XIRP1: variants seen among roughly 807,000 people sequenced by gnomAD.
XIRP1 encodes the protein xin actin binding repeat containing 1.
For synonymous variants in XIRP1, 984 were observed against 947.0 expected, an observed-to-expected ratio of 1.04 and a Z score of -0.72; for missense variants, 2,378 against 2,345.4, an observed-to-expected ratio of 1.01 and a Z score of -0.29.
Position 39,188,746 on chromosome 3 carries a change from G to A in XIRP1, c.700C>T (p.Leu234Phe), listed in dbSNP as rs549255055. Residue 234 changes from leucine to phenylalanine, a missense_variant, in exon 2 of 2, where the codon CTC becomes TTC. Leu to Phe is a conservative substitution (Grantham distance 22, BLOSUM62 0). Coordinates refer to ENST00000340369, the MANE Select transcript of XIRP1 (RefSeq NM_194293.4). Reference protein sequence around the residue: ...LKGDVKKTVKLFQTEPLCAIQ... With the variant: ...LKGDVKKTVKFFQTEPLCAIQ... ...GCACACAGGGGCTCCGTTTGGAAGA[G>A]CTTCACTGTCTTTTTCACATCACCC... 14 of 1,613,774 alleles carry A rather than the reference G, an allele frequency of 8.7e-6. No individual in the cohort carries two copies. The African/African-American group carries it at 1.9e-4, about 21-fold the overall frequency.
Position 39,189,385 on chromosome 3 carries a change from C to T in XIRP1, c.61G>A (p.Asp21Asn). 1.2e-6 allele frequency: 2 copies of T among 1,610,512 alleles called. No homozygotes were observed. The highest frequency in any genetic ancestry group is 1.7e-6 in the Non-Finnish European group (2 of 1,178,778). ...TPTMRMATAE[D>N]LPLPPPPALE... is the part of the protein sequence containing the mutation. ...GCTGGGGGTGGAGGGAGGGGCAGGT[C>T]CTCTGCAGTTGCCATCCTCATGGTT... is the stretch of plus-strand genomic sequence containing the variant. Residue 21 changes from aspartate to asparagine, a missense_variant, in exon 2 of 2, where the codon GAC becomes AAC. Asp to Asn is a conservative substitution (Grantham distance 23). Coordinates refer to ENST00000340369, the MANE Select transcript of XIRP1 (RefSeq NM_194293.4).
Position 39,183,583 on chromosome 3 carries a change from T to C in XIRP1, c.*331A>G. ...GGGGGCTCCAATTCAGGCAGTGGTGTGCAAATTCACACATGTCGATGCGTG... is the reference window on the plus strand; with the variant it reads ...GGGGGCTCCAATTCAGGCAGTGGTGCGCAAATTCACACATGTCGATGCGTG... On this transcript the variant is annotated 3_prime_UTR_variant, in exon 2 of 2. Coordinates refer to ENST00000340369, the MANE Select transcript of XIRP1 (RefSeq NM_194293.4). The C allele has an allele frequency of 3.4e-6, 1 of 292,748 alleles. No homozygotes were observed. The highest frequency in any genetic ancestry group is 6.4e-6 in the Non-Finnish European group (1 of 157,078). The allele number at this position is 292,748 out of a possible 1,614,324, so 18.1% of individuals were successfully genotyped here.
In XIRP1 at chr3:39,188,840, G is replaced by T. The variant is rs370999835; in HGVS notation, c.606C>A (p.Arg202=). The change falls in exon 2 of 2, where the codon CGC becomes CGA. Residue 202 remains arginine, a synonymous_variant. Coordinates refer to ENST00000340369, the MANE Select transcript of XIRP1 (RefSeq NM_194293.4). The stretch of plus-strand genomic sequence containing the variant: ...CCTGCAGGGAGGGGCGGGAGCCCAG[G>T]CGGTCCAGCGGCCGCGTCTCAAAGA... ...RMLFETRPLD[R]LGSRPSLQEQ... The T allele has an allele frequency of 2.4e-5, 39 of 1,612,552 alleles. No homozygotes were observed. The highest frequency in any genetic ancestry group is 1.6e-4 in the Middle Eastern group (1 of 6,084).
At position 39,188,044 on chromosome 3, in the gene XIRP1, C is replaced by T. The variant is rs780558206; in HGVS notation, c.1402G>A (p.Glu468Lys). The change falls in exon 2 of 2, where the codon GAA (glutamate) becomes AAA (lysine). Residue 468 changes from glutamate (E) to lysine (K), a missense_variant. Physicochemically the swap from Glu to Lys is moderately conservative, Grantham distance 56. Transcript: ENST00000340369. ...VLAHGSPSRE[E>K]GTDSAGQAQG... ...GCCTGCCCAGCAGAATCAGTTCCTT[C>T]TTCTCTGCTTGGACTCCCATGGGCC... is the stretch of plus-strand genomic sequence containing the variant. 1.2e-6 allele frequency: 2 copies of T among 1,614,222 alleles called. No individual in the cohort carries two copies. The highest frequency in any genetic ancestry group is 1.7e-6 in the Non-Finnish European group (2 of 1,180,026).
chr3:39,189,577 CT>C, intron 1 of XIRP1, 52 bp from the exon 2 acceptor site: 1 of 1,394,822 alleles, frequency 7.2e-7, no homozygotes, highest in African/African-American at 1.4e-5. Flanking sequence ...CTCTGGGTGA[CT>C]TACGCTTAGA....
chr3:39,189,554 A>G, intron 1 of XIRP1, 29 bp from the exon 2 acceptor site: 1 of 1,481,364 alleles, frequency 6.8e-7, no homozygotes, highest in African/African-American at 1.4e-5. Context: ...AACAGGGCTC[A>G]GAGTCAGAGT....
At position 39,186,087 on chromosome 3, in the gene XIRP1, A is replaced by G. The variant is rs1373239568; in HGVS notation, c.3359T>C (p.Val1120Ala). ...DPRIPAAPRK[V>A]SREEQALPRG... ...GGGTAGTGCTTGCTCTTCCCTACTGACCTTTCTGGGGGCTGCTGGGATCCG... is the reference window on the plus strand; with the variant it reads ...GGGTAGTGCTTGCTCTTCCCTACTGGCCTTTCTGGGGGCTGCTGGGATCCG... Residue 1120 changes from valine to alanine, a missense_variant, in exon 2 of 2, where the codon GTC (valine) becomes GCC (alanine). Physicochemically the swap from Val to Ala is moderately conservative, Grantham distance 64. Transcript: ENST00000340369. 4.3e-6 allele frequency: 7 copies of G among 1,613,530 alleles called. No homozygotes were observed. Among genetic ancestry groups the G allele is most frequent in the Non-Finnish European group, 5.9e-6 (7 of 1,179,814 alleles).
chr3:39,185,905 G>A lies in XIRP1; in HGVS notation c.3541C>T (p.Leu1181Phe), dbSNP rs746277591. ...TALSVQAPRP[L>F]QGGPGQSTGP... ...GTACTCTGACCTGGGCCTCCCTGGAGTGGGCGGGGAGCCTGGACTGAGAGG... is the reference window on the plus strand; with the variant it reads ...GTACTCTGACCTGGGCCTCCCTGGAATGGGCGGGGAGCCTGGACTGAGAGG... The change falls in exon 2 of 2, where the codon CTC becomes TTC. Residue 1181 changes from leucine (L) to phenylalanine (F), a missense_variant. Physicochemically the swap from Leu to Phe is conservative, Grantham distance 22 (BLOSUM62 0). Coordinates refer to ENST00000340369, the MANE Select transcript of XIRP1 (RefSeq NM_194293.4). The A allele has an allele frequency of 1.2e-6, 2 of 1,613,758 alleles. No individual in the cohort carries two copies. The highest frequency in any genetic ancestry group is 1.7e-6 in the Non-Finnish European group (2 of 1,179,794).
Position 39,188,166 on chromosome 3 carries a change from C to T in XIRP1, c.1280G>A (p.Ser427Asn). 2 of 1,614,174 alleles carry T rather than the reference C, an allele frequency of 1.2e-6. No individual in the cohort carries two copies. Among genetic ancestry groups the T allele is most frequent in the Non-Finnish European group, 8.5e-7 (1 of 1,180,030 alleles). Residue 427 changes from serine to asparagine, a missense_variant, in exon 2 of 2, where the codon AGT becomes AAT. Physicochemically the swap from Ser to Asn is conservative, Grantham distance 46. Coordinates refer to ENST00000340369, the MANE Select transcript of XIRP1 (RefSeq NM_194293.4). Reference protein sequence around the residue: ...DSSSALPFSQSAPQRDELKGD... With the variant: ...DSSSALPFSQNAPQRDELKGD... The stretch of plus-strand genomic sequence containing the variant: ...CTTTAGCTCATCCCTCTGGGGGGCA[C>T]TCTGAGAGAAGGGCAGTGCTGAGGA...
intron 1 of XIRP1, among the ~76,000 whole-genome samples, chr3:39,190,481 G>A (rs550386632): frequency 1.3e-5 from 2 of 152,196 alleles, no homozygotes; most frequent in Non-Finnish European, 2.9e-5. Context: ...AGAGGACCAT[G>A]GGATCAGGGT....
Position 39,189,259 on chromosome 3 carries a change from G to C in XIRP1, c.187C>G (p.Pro63Ala). 1.2e-6 allele frequency: 2 copies of C among 1,614,082 alleles called. No homozygotes were observed. Among genetic ancestry groups the C allele is most frequent in the Non-Finnish European group, 1.7e-6 (2 of 1,180,026 alleles). The change falls in exon 2 of 2, where the codon CCT becomes GCT. Residue 63 changes from proline (P) to alanine (A), a missense_variant. Coordinates refer to ENST00000340369, the MANE Select transcript of XIRP1 (RefSeq NM_194293.4). ...ELRRLYRHIH[P>A]ELRKNLAEAV... is the part of the protein sequence containing the mutation. ...TCAGCCAGATTCTTGCGGAGCTCAGGGTGGATGTGCCTGTAGAGGCGGCGG... is the reference window on the plus strand; with the variant it reads ...TCAGCCAGATTCTTGCGGAGCTCAGCGTGGATGTGCCTGTAGAGGCGGCGG...
chr3:39,191,546 A>G (rs1426654997), intron 1 of XIRP1, among the ~76,000 whole-genome samples: 1 of 152,212 alleles, frequency 6.6e-6, no homozygotes, highest in Admixed American at 6.5e-5. Flanking sequence ...GCAAGGCAGT[A>G]GCAAAGCCTG....
Position 39,185,930 on chromosome 3 carries a change from G to A in XIRP1, c.3516C>T (p.Ala1172=). ...REPQSRHRET[A]LSVQAPRPLQ... Reference sequence around the variant, plus strand: ...GTGGGCGGGGAGCCTGGACTGAGAGGGCAGTCTCCCTGTGCCTTGACTGGG... The same window carrying A: ...GTGGGCGGGGAGCCTGGACTGAGAGAGCAGTCTCCCTGTGCCTTGACTGGG... The change falls in exon 2 of 2, where the codon GCC becomes GCT. Residue 1172 remains alanine, a synonymous_variant. Coordinates refer to ENST00000340369, the MANE Select transcript of XIRP1 (RefSeq NM_194293.4). 2.5e-6 allele frequency: 4 copies of A among 1,613,952 alleles called. No individual in the cohort carries two copies. The highest frequency in any genetic ancestry group is 3.4e-6 in the Non-Finnish European group (4 of 1,179,912).
intron 1 of XIRP1, among the ~76,000 whole-genome samples, chr3:39,191,313 C>G (rs963124068): frequency 1.3e-5 from 2 of 152,136 alleles, no homozygotes; most frequent in African/African-American, 4.8e-5. Context: ...CCTGTCACCA[C>G]CAGGGTGGCC....
rs1328193965 is a variant in XIRP1 at position 39,183,244 on chromosome 3, C to G, written c.*670G>C. 6.6e-6 allele frequency: 1 copy of G among 152,602 alleles called. No homozygotes were observed. Among genetic ancestry groups the G allele is most frequent in the Admixed American group, 6.5e-5 (1 of 15,290 alleles). 9.5% of individuals were successfully genotyped at this position (152,602 alleles called of 1,614,324 possible). On this transcript the variant is annotated 3_prime_UTR_variant, in exon 2 of 2. Coordinates refer to ENST00000340369, the MANE Select transcript of XIRP1 (RefSeq NM_194293.4). ...GAATAAAACTTGGATTTATTCAGAC[C>G]GTATGCTTCCCATTTGGGGTGCAGA...
rs1360279249 is a variant in XIRP1, at chr3:39,189,332, G to A, written c.114C>T (p.Pro38=). 1.9e-6 allele frequency: 3 copies of A among 1,613,578 alleles called. No individual in the cohort carries two copies. In the South Asian group the frequency reaches 3.3e-5, roughly 18 times the overall value. Residue 38 remains proline (P), a synonymous_variant, in exon 2 of 2, where the codon CCC becomes CCT. Transcript: ENST00000340369. ...PALEDLPLPP[P]KESFSKFHQQ... ...GATGGAACTTGGAGAAGGATTCCTT[G>A]GGTGGCGGCAGTGGCAGGTCCTCCA...
At position 39,189,286 on chromosome 3, in the gene XIRP1, G is replaced by A. The variant is rs1366930947; in HGVS notation, c.160C>T (p.Leu54Phe). The change falls in exon 2 of 2, where the codon CTC (leucine) becomes TTC (phenylalanine). Residue 54 changes from leucine to phenylalanine, a missense_variant. Leu to Phe is a conservative substitution (Grantham distance 22). Coordinates refer to ENST00000340369, the MANE Select transcript of XIRP1 (RefSeq NM_194293.4). ...TGGATGTGCCTGTAGAGGCGGCGGAGCTCACTAGCTTGCCGCTGCTGATGG... is the reference window on the plus strand; with the variant it reads ...TGGATGTGCCTGTAGAGGCGGCGGAACTCACTAGCTTGCCGCTGCTGATGG... ...KFHQQRQASE[L>F]RRLYRHIHPE... 2.2e-5 allele frequency: 36 copies of A among 1,613,748 alleles called. No homozygotes were observed. The highest frequency in any genetic ancestry group is 3.0e-5 in the Non-Finnish European group (35 of 1,180,022).
Position 39,184,906 on chromosome 3 carries a change from C to A in XIRP1, c.4540G>T (p.Ala1514Ser). ...ACTGAGGCCTCGGGCTTTTGGTGGGCAGCAGGAGCCTGAGGAGCAGCCCCT... is the reference window on the plus strand; with the variant it reads ...ACTGAGGCCTCGGGCTTTTGGTGGGAAGCAGGAGCCTGAGGAGCAGCCCCT... Reference protein sequence around the residue: ...LGGAAPQAPAAHQKPEASVEQ... With the variant: ...LGGAAPQAPASHQKPEASVEQ... The change falls in exon 2 of 2, where the codon GCC becomes TCC. Residue 1514 changes from alanine to serine, a missense_variant. Coordinates refer to ENST00000340369, the MANE Select transcript of XIRP1 (RefSeq NM_194293.4). The A allele has an allele frequency of 6.3e-7, 1 of 1,588,616 alleles. No homozygotes were observed. The highest frequency in any genetic ancestry group is 1.1e-5 in the South Asian group (1 of 87,666).
intron 1 of XIRP1, among the ~76,000 whole-genome samples, chr3:39,191,867 A>C (rs1011771273): frequency 3.3e-5 from 5 of 152,186 alleles, no homozygotes; most frequent in Non-Finnish European, 7.4e-5. Context: ...ACTGGGCAAG[A>C]CTATGGACAT....
Sources: gnomAD v4.1 joint callset for allele counts (sites outside exome capture counted in the v4.1 genomes callset) on GRCh38, gnomAD v4.1.1 for gene constraint, MANE v1.5 for transcripts, NCBI Gene and HGNC (gene_info 2026-07-23, HGNC 2026-07-21) for gene names.